The following TNFRSF8 variants were observed in gnomAD, a reference collection of about 807,000 sequenced individuals.
The protein encoded by TNFRSF8 is tumor necrosis factor receptor superfamily member 8.
TNFRSF8 carries 26 observed loss-of-function variants against 70.8 expected under a neutral mutation model. The observed-to-expected ratio is 0.37, with a 90% CI of 0.27 to 0.51. The LOEUF (loss-of-function observed/expected upper bound fraction) is 0.51. Ranked by LOEUF, TNFRSF8 falls within the 20% of genes least tolerant of loss-of-function variation. TNFRSF8 has a pLI of 0.94. For synonymous variants in TNFRSF8, 356 were observed against 339.2 expected (o/e 1.05, Z -0.54); for missense variants, 720 against 807.9 (o/e 0.89, Z 1.32).
At chr1:12,066,375 A>G (rs868679387) in intron 1 of TNFRSF8, among the ~76,000 whole-genome samples, 1 of 140,990 alleles carries the variant, frequency 7.1e-6, no homozygotes, top group Non-Finnish European at 1.5e-5. Flanking sequence ...TTTTTTTGAG[A>G]TGAAGTCTCC....
At position 12,123,815 on chromosome 1, in the gene TNFRSF8, G is replaced by A. The variant is rs148424672; in HGVS notation, c.1141G>A (p.Val381Ile). 1.8e-5 allele frequency: 28 copies of A among 1,567,198 alleles called. No homozygotes were observed. The highest frequency in any genetic ancestry group is 1.5e-4 in the African/African-American group (11 of 73,952). Residue 381 changes from valine to isoleucine, a missense_variant, in exon 10 of 15, where the codon GTT becomes ATT. Coordinates refer to ENST00000263932, the MANE Select transcript of TNFRSF8 (RefSeq NM_001243.5). ...CGCTCTCTCCTCCACGGGGAAGCCC[G>A]TTCTGGATGCAGGTAATGGTCCCAG... ...PVALSSTGKPVLDAGPVLFWV... is the reference protein window; with the variant it reads ...PVALSSTGKPILDAGPVLFWV...
intron 1 of TNFRSF8, among the ~76,000 whole-genome samples, chr1:12,076,097 C>CTTTTTTTTTTTTTTT (rs397829917): frequency 8.5e-4 from 118 of 139,472 alleles, no homozygotes; most frequent in Non-Finnish European, 1.2e-3. Context: ...TTTTTTTTTT[C>CTTTTTTTTTTTTTTT]TTTTTCTTTT....
In TNFRSF8 at chr1:12,115,626, C is replaced by T. The variant is rs1407091688; in HGVS notation, c.843C>T (p.Cys281=). 11 of 1,614,052 alleles carry T rather than the reference C, an allele frequency of 6.8e-6. No individual in the cohort carries two copies. The highest frequency in any genetic ancestry group is 1.6e-4 in the Middle Eastern group (1 of 6,084). The change falls in exon 8 of 15, where the codon TGC becomes TGT. Residue 281 remains cysteine, a synonymous_variant. Coordinates refer to ENST00000263932, the MANE Select transcript of TNFRSF8 (RefSeq NM_001243.5). ...TPCAWNSSRT[C]ECRPGMICAT... ...GTGCATGGAACTCCTCCCGCACCTG[C>T]GAATGTCGACCTGGCATGATCTGTG... is the stretch of plus-strand genomic sequence containing the variant.
At chr1:12,073,991 T>G (rs1034009693) in intron 1 of TNFRSF8, among the ~76,000 whole-genome samples, 1 of 151,738 alleles carries the variant, frequency 6.6e-6, no homozygotes, top group Admixed American at 6.6e-5. Flanking sequence ...TTGTCTGAGT[T>G]GTAGCTAAGG....
chr1:12,138,918 C>T lies in TNFRSF8; in HGVS notation c.1543+482C>T, dbSNP rs1642204285. 6.6e-6 allele frequency among the ~76,000 whole-genome samples: 1 copy of T among 152,182 alleles called. No homozygotes were observed. The highest frequency in any genetic ancestry group is 1.5e-5 in the Non-Finnish European group (1 of 68,034). On this transcript the variant is annotated intron_variant, in intron 14 of 14. Transcript: ENST00000263932. This position sits in a 1 kb window ranked among gnomAD's most constrained non-coding sequence, Gnocchi z 5.7. Reference sequence around the variant, plus strand: ...TCCCCATTGCATGGCTACTAAGTGGCACAGCTGGAACTCGTCCCGCATCTG... The same window carrying T: ...TCCCCATTGCATGGCTACTAAGTGGTACAGCTGGAACTCGTCCCGCATCTG...
intron 3 of TNFRSF8, among the ~76,000 whole-genome samples, chr1:12,103,220 T>C (rs1641454301): frequency 6.6e-6 from 1 of 151,910 alleles, no homozygotes; most frequent in African/African-American, 2.4e-5. Flanking sequence ...AAAAATTAGT[T>C]GGGCGTGGTG....
In TNFRSF8 at chr1:12,138,047, A is replaced by G. The variant is rs1255212404; in HGVS notation, c.1336-182A>G. On this transcript the variant is annotated intron_variant, in intron 13 of 14. Coordinates refer to ENST00000263932, the MANE Select transcript of TNFRSF8 (RefSeq NM_001243.5). This position sits in a 1 kb window ranked among gnomAD's most constrained non-coding sequence, Gnocchi z 5.7. ...CTGTTACCCCTACTATTTAGTACAA[A>G]TTAAAAGCAACAGACTTCACCCAGA... 2.0e-5 allele frequency among the ~76,000 whole-genome samples: 3 copies of G among 152,108 alleles called. No homozygotes were observed. The highest frequency in any genetic ancestry group is 7.2e-5 in the African/African-American group (3 of 41,424).
intron 3 of TNFRSF8, among the ~76,000 whole-genome samples, chr1:12,098,068 G>A (rs1641360741): frequency 6.6e-6 from 1 of 151,954 alleles, no homozygotes; most frequent in South Asian, 2.1e-4. Context: ...ATGTTATTAG[G>A]TACATAAATG....
intron 4 of TNFRSF8, among the ~76,000 whole-genome samples, chr1:12,105,403 C>CTGTAGAT (rs965418755): frequency 6.6e-6 from 1 of 152,088 alleles, no homozygotes; most frequent in African/African-American, 2.4e-5. Context: ...CCAGCCCATC[C>CTGTAGAT]TCGAGTCCTG....
intron 13 of TNFRSF8, among the ~76,000 whole-genome samples, chr1:12,136,591 G>A (rs755305698): frequency 3.3e-5 from 5 of 150,956 alleles, no homozygotes; most frequent in Non-Finnish European, 7.4e-5. Context: ...AGAGGTTGCA[G>A]GGAGCCGAGA....
intron 12 of TNFRSF8, among the ~76,000 whole-genome samples, chr1:12,130,384 T>C (rs897579240): frequency 1.3e-5 from 2 of 152,234 alleles, no homozygotes; most frequent in South Asian, 2.1e-4. Flanking sequence ...TGGTGTATCC[T>C]CATCCTGTGC....
At chr1:12,100,624 G>A (rs1452964071) in intron 3 of TNFRSF8, among the ~76,000 whole-genome samples, 1 of 152,172 alleles carries the variant, frequency 6.6e-6, no homozygotes, top group Middle Eastern at 3.4e-3. Context: ...GGCCTACACA[G>A]AGTCAGGATC....
chr1:12,125,007 T>C (rs912592161), intron 10 of TNFRSF8, among the ~76,000 whole-genome samples: 1 of 152,150 alleles, frequency 6.6e-6, no homozygotes, highest in East Asian at 1.9e-4. Context: ...TGCGGTCCCG[T>C]CTGGCAGCAT....
At chr1:12,104,307 C>T (rs1019822953) in intron 3 of TNFRSF8, 72 bp from the exon 4 acceptor site, 1 of 1,573,242 alleles carries the variant, frequency 6.4e-7, no homozygotes, top group Non-Finnish European at 8.7e-7. Context: ...CCCTCTCCCC[C>T]TCATCTCAAG....
In TNFRSF8 at chr1:12,143,635, C is replaced by G. The variant is rs1317472371; in HGVS notation, c.*1104C>G. On this transcript the variant is annotated 3_prime_UTR_variant, in exon 15 of 15. Transcript: ENST00000263932. This position sits in a 1 kb window ranked among gnomAD's most constrained non-coding sequence, Gnocchi z 4.1. The stretch of plus-strand genomic sequence containing the variant: ...AGGAAACAAGACCGTTTGGAGGTTT[C>G]ATCAGGATTTTGGGTTTTTCACATT... 2 of 152,264 alleles carry G rather than the reference C, an allele frequency of 1.3e-5. No individual in the cohort carries two copies. The highest frequency in any genetic ancestry group is 4.8e-5 in the African/African-American group (2 of 41,460). 9.4% of individuals were successfully genotyped at this position (152,264 alleles called of 1,614,324 possible). A position where few individuals can be genotyped will look rare whatever the true frequency, so the allele number is the denominator to read the frequency against.
At position 12,109,762 on chromosome 1, in the gene TNFRSF8, G is replaced by A. The variant is rs1010643810; in HGVS notation, c.512+106G>A. The A allele has an allele frequency of 1.5e-5, 15 of 1,025,134 alleles. No homozygotes were observed. The highest frequency in any genetic ancestry group is 1.1e-4 in the African/African-American group (7 of 63,310). 63.5% of individuals were successfully genotyped at this position (1,025,134 alleles called of 1,614,324 possible). On this transcript the variant is annotated intron_variant, in intron 5 of 14. Coordinates refer to ENST00000263932, the MANE Select transcript of TNFRSF8 (RefSeq NM_001243.5). The surrounding 1 kb of genome is among the most constrained non-coding windows in gnomAD (Gnocchi z 4.4). The stretch of plus-strand genomic sequence containing the variant: ...GTACAACTGGGCTGGGGGTGTAAGC[G>A]GGATTCAGCCCATGGTGTCAGCACT...
At position 12,112,748 on chromosome 1, in the gene TNFRSF8, G is replaced by T. The variant is rs1248526969; in HGVS notation, c.793+734G>T. On this transcript the variant is annotated intron_variant, in intron 7 of 14. Coordinates refer to ENST00000263932, the MANE Select transcript of TNFRSF8 (RefSeq NM_001243.5). This position sits in a 1 kb window ranked among gnomAD's most constrained non-coding sequence, Gnocchi z 5.3. ...GAGTGCACAGACACAGCACGATGCAGGTGTGGGGCTTCCCTGTGCCCAGCC... is the reference window on the plus strand; with the variant it reads ...GAGTGCACAGACACAGCACGATGCATGTGTGGGGCTTCCCTGTGCCCAGCC... Among the ~76,000 whole-genome samples, 1 of 152,216 alleles carries T rather than the reference G, an allele frequency of 6.6e-6. No homozygotes were observed. Among genetic ancestry groups the T allele is most frequent in the Admixed American group, 6.5e-5 (1 of 15,278 alleles).
intron 1 of TNFRSF8, among the ~76,000 whole-genome samples, chr1:12,081,548 G>A (rs1641063230): frequency 1.3e-5 from 2 of 152,094 alleles, no homozygotes; most frequent in Admixed American, 6.5e-5. Context: ...CAAGGCCCGG[G>A]GCTCTGGATT....
At chr1:12,085,562 T>C (rs1641139903) in intron 2 of TNFRSF8, among the ~76,000 whole-genome samples, 1 of 152,186 alleles carries the variant, frequency 6.6e-6, no homozygotes, top group African/African-American at 2.4e-5. Flanking sequence ...TCTTTGCCGT[T>C]CTTGACTGCC....
Sources: allele counts gnomAD v4.1 joint callset (sites outside exome capture counted in the v4.1 genomes callset), GRCh38; gene constraint gnomAD v4.1.1; non-coding constraint Gnocchi (gnomAD v3.1); transcripts MANE v1.5; gene names NCBI Gene and HGNC (gene_info 2026-07-23, HGNC 2026-07-21).